TNIK: variants seen among roughly 807,000 people sequenced by gnomAD.
TNIK encodes the protein TRAF2 and NCK interacting kinase, also known as TRAF2 and NCK-interacting protein kinase.
TNIK carries 49 observed loss-of-function variants against 191.3 expected under a neutral mutation model. The ratio of observed to expected loss-of-function variants is 0.26; its 90% CI spans 0.20 to 0.32. The LOEUF (loss-of-function observed/expected upper bound fraction) is 0.32. Ranked by LOEUF, TNIK falls within the 10% of genes least tolerant of loss-of-function variation. The pLI, the probability that TNIK is intolerant of heterozygous loss-of-function variation, is 1.00. For synonymous variants in TNIK, 594 were observed against 600.9 expected (o/e 0.99, Z 0.17); for missense variants, 1,155 against 1,702.3 (o/e 0.68, Z 5.66).
intron 3 of TNIK, among the ~76,000 whole-genome samples, chr3:171,214,016 G>A: frequency 6.6e-6 from 1 of 152,038 alleles, no homozygotes; most frequent in East Asian, 1.9e-4. Context: ...TGAATTTTAG[G>A]TTTAAATTGC....
chr3:171,136,937 G>A (rs1730068382), intron 15 of TNIK, among the ~76,000 whole-genome samples: 2 of 152,108 alleles, frequency 1.3e-5, no homozygotes, highest in Non-Finnish European at 2.9e-5. Context: ...TATGGATCAT[G>A]TTTACAGATG....
intron 9 of TNIK, among the ~76,000 whole-genome samples, chr3:171,172,318 C>T (rs1396354867): frequency 6.6e-6 from 1 of 151,990 alleles, no homozygotes; most frequent in African/African-American, 2.4e-5. Context: ...GCATTTAACC[C>T]GGTAACTCAT....
intron 18 of TNIK, among the ~76,000 whole-genome samples, chr3:171,114,693 G>A (rs1726404533): frequency 6.6e-6 from 1 of 152,060 alleles, no homozygotes; most frequent in Non-Finnish European, 1.5e-5. Context: ...GTGGTAAAAG[G>A]GTTGCTAAGT....
intron 2 of TNIK, among the ~76,000 whole-genome samples, chr3:171,265,173 G>A (rs1054189080): frequency 3.0e-4 from 45 of 152,184 alleles, no homozygotes; most frequent in African/African-American, 1.1e-3. Context: ...AGCAGAATAT[G>A]GTGCATGAGT....
At chr3:171,143,417 G>A (rs1731117419) in intron 12 of TNIK, among the ~76,000 whole-genome samples, 1 of 152,178 alleles carries the variant, frequency 6.6e-6, no homozygotes. Flanking sequence ...GCTCTCTGAG[G>A]GCAAGGCCAG....
rs999562484 is a variant in TNIK, at chr3:171,065,049, A to C, written c.4000-1085T>G. 3.3e-5 allele frequency among the ~76,000 whole-genome samples: 5 copies of C among 152,296 alleles called. No individual in the cohort carries two copies. In the South Asian group the frequency reaches 1.0e-3, roughly 32 times the overall value. ...TCCAAGTTGTGTGCCCCTGGCTGTA[A>C]ACCTTGGGTTGCAGACAACTGGTGT... is the stretch of plus-strand genomic sequence containing the variant. On this transcript the variant is annotated intron_variant, in intron 32 of 32. Transcript: ENST00000436636.
intron 2 of TNIK, among the ~76,000 whole-genome samples, chr3:171,263,108 G>A (rs992069763): frequency 6.6e-6 from 1 of 152,178 alleles, no homozygotes; most frequent in Non-Finnish European, 1.5e-5. Context: ...AAATTCACCA[G>A]GCTATTCCCA....
At chr3:171,438,024 A>G (rs1357282991) in intron 1 of TNIK, among the ~76,000 whole-genome samples, 3 of 152,240 alleles carry the variant, frequency 2.0e-5, no homozygotes, top group African/African-American at 7.2e-5. Flanking sequence ...TTTAGAGTGC[A>G]TAGAGCAGAC....
At chr3:171,090,427 CTT>C (rs375076101) in intron 23 of TNIK, among the ~76,000 whole-genome samples, 14,465 of 140,148 alleles carry the variant, frequency 0.1, 721 homozygotes, top group Middle Eastern at 0.17. Flanking sequence ...TTCTTTCTTT[CTT>C]TTTTTTTTTT....
rs1012510234 is a variant in TNIK, at chr3:171,140,382, C to T, written c.1332+17G>A. 10 of 1,532,142 alleles carry T rather than the reference C, an allele frequency of 6.5e-6. No homozygotes were observed. The Admixed American group carries it at 1.0e-4, about 16-fold the overall frequency. The allele number at this position is 1,532,142 out of a possible 1,614,324, so 94.9% of individuals were successfully genotyped here. ...TCCCCGGGGGGCCATCAGTGGGGCT[C>T]CTGGTCCCAGCTGTACCTGTTCATG... On this transcript the variant is annotated intron_variant, in intron 13 of 32. Transcript: ENST00000436636.
At chr3:171,331,712 G>A (rs893718096) in intron 2 of TNIK, among the ~76,000 whole-genome samples, 1 of 152,204 alleles carries the variant, frequency 6.6e-6, no homozygotes, top group Non-Finnish European at 1.5e-5. Flanking sequence ...TAACGCTCCA[G>A]TGTTCCATCC....
chr3:171,430,201 C>T (rs963927385), intron 1 of TNIK, among the ~76,000 whole-genome samples: 1 of 152,120 alleles, frequency 6.6e-6, no homozygotes, highest in African/African-American at 2.4e-5. Flanking sequence ...CCTCAAGAAA[C>T]TTGAGTTTTG....
At chr3:171,351,886 G>A (rs1044702474) in intron 2 of TNIK, among the ~76,000 whole-genome samples, 1 of 152,190 alleles carries the variant, frequency 6.6e-6, no homozygotes, top group African/African-American at 2.4e-5. Flanking sequence ...AAGTTAAATG[G>A]TGCATTTCAG....
At chr3:171,407,676 A>C (rs1721877586) in intron 1 of TNIK, among the ~76,000 whole-genome samples, 1 of 152,212 alleles carries the variant, frequency 6.6e-6, no homozygotes, top group Admixed American at 6.5e-5. Context: ...GAAACATCTA[A>C]AAGTTTAAAT....
At chr3:171,237,748 C>T (rs1744465467) in intron 2 of TNIK, among the ~76,000 whole-genome samples, 1 of 152,034 alleles carries the variant, frequency 6.6e-6, no homozygotes, top group African/African-American at 2.4e-5. Context: ...ATAGTGAGAC[C>T]CCGTCTCTAT....
intron 2 of TNIK, among the ~76,000 whole-genome samples, chr3:171,315,351 C>T (rs916551101): frequency 4.6e-5 from 7 of 152,092 alleles, no homozygotes; most frequent in African/African-American, 1.7e-4. Context: ...AACAAATATC[C>T]TGAACTCACC....
At chr3:171,142,708 A>G (rs1731005607) in intron 12 of TNIK, among the ~76,000 whole-genome samples, 2 of 152,364 alleles carry the variant, frequency 1.3e-5, no homozygotes, top group African/African-American at 4.8e-5. Flanking sequence ...ATAGGCACTG[A>G]CTGAATAATT....
intron 2 of TNIK, among the ~76,000 whole-genome samples, chr3:171,343,028 G>GC (rs1711545933): frequency 6.6e-6 from 1 of 152,174 alleles, no homozygotes; most frequent in South Asian, 2.1e-4. Flanking sequence ...GCCCTCCCCA[G>GC]CCACATGGAA....
chr3:171,431,215 T>A (rs1202711077), intron 1 of TNIK, among the ~76,000 whole-genome samples: 1 of 152,142 alleles, frequency 6.6e-6, no homozygotes, highest in African/African-American at 2.4e-5. Flanking sequence ...TAAAAAGGTC[T>A]TGGAATAGTA....
Sources: allele counts gnomAD v4.1 joint callset (sites outside exome capture counted in the v4.1 genomes callset), GRCh38; gene constraint gnomAD v4.1.1; transcripts MANE v1.5; gene names NCBI Gene and HGNC (gene_info 2026-07-23, HGNC 2026-07-21).